The following FKBP15 variants were observed in gnomAD, a reference collection of about 807,000 sequenced individuals.
FKBP15 encodes FKBP prolyl isomerase family member 15.
Under a neutral mutation model 158.1 loss-of-function variants are expected in FKBP15, and 106 were observed. The ratio of observed to expected loss-of-function variants is 0.67; its 90% CI spans 0.57 to 0.79. The LOEUF (loss-of-function observed/expected upper bound fraction) is 0.79. FKBP15 is among the 30% of genes least tolerant of loss of function. The pLI is 0.00. For synonymous variants in FKBP15, 547 were observed against 548.6 expected (o/e 1.00, Z 0.04); for missense variants, 1,287 against 1,479.1 (o/e 0.87, Z 2.13).
Position 113,161,798 on chromosome 9 carries a change from C to T in FKBP15, c.*4280G>A, listed in dbSNP as rs557611014. The T allele has an allele frequency of 6.7e-6, 9 of 1,345,970 alleles. No individual in the cohort carries two copies. In the African/African-American group the frequency reaches 8.6e-5, roughly 13 times the overall value. The allele number at this position is 1,345,970 out of a possible 1,614,324, so 83.4% of individuals were successfully genotyped here. ...TAGCCCCACTTCACAGAGAGGACAG[C>T]GAGGCCCAGGGAAGGACCAGGACTT... On this transcript the variant is annotated 3_prime_UTR_variant, in exon 28 of 28. Coordinates refer to ENST00000238256, the MANE Select transcript of FKBP15 (RefSeq NM_015258.2).
chr9:113,174,804 T>G (rs1336607721), intron 21 of FKBP15, among the ~76,000 whole-genome samples: 1 of 135,266 alleles, frequency 7.4e-6, no homozygotes, highest in African/African-American at 2.7e-5. Flanking sequence ...ACCCCTCTAT[T>G]AAGAGCTAGG....
rs955933071 is a variant in FKBP15, at chr9:113,198,412, G to A, written c.717+443C>T. Among the ~76,000 whole-genome samples, 3 of 152,154 alleles carry A rather than the reference G, an allele frequency of 2.0e-5. No homozygotes were observed. Among genetic ancestry groups the A allele is most frequent in the Non-Finnish European group, 2.9e-5 (2 of 68,022 alleles). ...ATGCAATGTAACACATTTTCCCCTCGTATTCTTCATCCAGGCATTTCCAGA... is the reference window on the plus strand; with the variant it reads ...ATGCAATGTAACACATTTTCCCCTCATATTCTTCATCCAGGCATTTCCAGA... On this transcript the variant is annotated intron_variant, in intron 8 of 27. Coordinates refer to ENST00000238256, the MANE Select transcript of FKBP15 (RefSeq NM_015258.2). The surrounding 1 kb of genome is among the most constrained non-coding windows in gnomAD (Gnocchi z 5.2).
At chr9:113,191,666 G>T (rs1830578399) in intron 11 of FKBP15, among the ~76,000 whole-genome samples, 1 of 148,286 alleles carries the variant, frequency 6.7e-6, no homozygotes, top group Non-Finnish European at 1.5e-5. Context: ...TATATATATA[G>T]TTATATGGAA....
chr9:113,182,786 A>G lies in FKBP15; in HGVS notation c.1894T>C (p.Leu632=), dbSNP rs1046405237. ...TTTACCTTCTCTTGTTCAGCATGCA[A>G]TACTCTTGCCTGTGTGTTTTCTGTG... The part of the protein sequence containing the change: ...TATENTQARV[L]HAEQEKAKVT... Residue 632 remains leucine (L), a synonymous_variant, in exon 19 of 28, where the codon TTG becomes CTG. Coordinates refer to ENST00000238256, the MANE Select transcript of FKBP15 (RefSeq NM_015258.2). 11 of 1,613,456 alleles carry G rather than the reference A, an allele frequency of 6.8e-6. 1 individual carries two copies. The South Asian group carries it at 7.7e-5, about 11-fold the overall frequency.
chr9:113,168,350 A>C (rs2118854208), intron 27 of FKBP15, 110 bp downstream of exon 27: 2 of 862,228 alleles, frequency 2.3e-6, no homozygotes, highest in Non-Finnish European at 1.8e-6. Flanking sequence ...CCCTGCACAC[A>C]GAGTCCAGGG....
chr9:113,182,301 A>G (rs1325559876), intron 19 of FKBP15, among the ~76,000 whole-genome samples: 1 of 152,206 alleles, frequency 6.6e-6, no homozygotes, highest in East Asian at 1.9e-4. Flanking sequence ...GCAGATCCCA[A>G]TCCAAGACCC....
At chr9:113,208,509 G>A (rs889512439) in intron 2 of FKBP15, among the ~76,000 whole-genome samples, 4 of 152,226 alleles carry the variant, frequency 2.6e-5, no homozygotes, top group South Asian at 2.1e-4. Flanking sequence ...GAAAGAACTC[G>A]TTTGATTTTT....
Position 113,169,928 on chromosome 9 carries a change from C to G in FKBP15, c.2781G>C (p.Gln927His), listed in dbSNP as rs1386763350. Residue 927 changes from glutamine to histidine, a missense_variant, in exon 26 of 28, where the codon CAG becomes CAC. Gln to His is a conservative substitution (Grantham distance 24). Transcript: ENST00000238256. The part of the protein sequence containing the change: ...IMNTIKMVTL[Q>H]LLNQQEQEKE... ...TCTCTTGCTCCTGTTGGTTTAACAG[C>G]TGAAGAGTCACCATCTATTCAAAAG... 3 of 1,543,328 alleles carry G rather than the reference C, an allele frequency of 1.9e-6. No homozygotes were observed. The highest frequency in any genetic ancestry group is 1.2e-5 in the South Asian group (1 of 83,664).
chr9:113,167,950 G>GT (rs1176872472), intron 27 of FKBP15, among the ~76,000 whole-genome samples: 1 of 152,220 alleles, frequency 6.6e-6, no homozygotes. Flanking sequence ...AGCAGGCTGA[G>GT]TAAGTGGAAA....
At chr9:113,219,794 G>C (rs1010106198) in intron 1 of FKBP15, among the ~76,000 whole-genome samples, 7 of 152,120 alleles carry the variant, frequency 4.6e-5, no homozygotes, top group Admixed American at 2.0e-4. Flanking sequence ...CTTTCACATA[G>C]TGAAGAATGC....
At chr9:113,179,311 A>G (rs929315154) in intron 19 of FKBP15, among the ~76,000 whole-genome samples, 12 of 152,180 alleles carry the variant, frequency 7.9e-5, no homozygotes, top group African/African-American at 2.9e-4. Flanking sequence ...GCCTTATTCC[A>G]AAGTCTTTAT....
chr9:113,198,909 A>G lies in FKBP15; in HGVS notation c.663T>C (p.Thr221=). ...AGCGAAGCAACTTATCTTTGTTAGC[A>G]GTGGAGTCGAAAACCTGCAATTTGA... The part of the protein sequence containing the change: ...NHVLGQVFDS[T]ANKDKLLRLK... The change falls in exon 8 of 28, where the codon ACT becomes ACC. Residue 221 remains threonine, a synonymous_variant. Transcript: ENST00000238256. This position sits in a 1 kb window ranked among gnomAD's most constrained non-coding sequence, Gnocchi z 5.2. The G allele has an allele frequency of 1.2e-6, 2 of 1,603,312 alleles. No individual in the cohort carries two copies. Among genetic ancestry groups the G allele is most frequent in the Non-Finnish European group, 1.7e-6 (2 of 1,174,414 alleles).
At chr9:113,179,125 G>C (rs773325334) in intron 19 of FKBP15, among the ~76,000 whole-genome samples, 3 of 151,820 alleles carry the variant, frequency 2.0e-5, no homozygotes, top group Admixed American at 6.6e-5. Flanking sequence ...GGACTCCTGG[G>C]CTCAAGCAAT....
At position 113,207,238 on chromosome 9, in the gene FKBP15, G is replaced by A. The variant is rs757117840; in HGVS notation, c.228C>T (p.Val76=). The change falls in exon 3 of 28, where the codon GTC becomes GTT. Residue 76 remains valine (V), a synonymous_variant. Coordinates refer to ENST00000238256, the MANE Select transcript of FKBP15 (RefSeq NM_015258.2). ...PATMSTPTIL[V]ATAVHAYRYT... ...ATCGATATGCATGGACTGCTGTTGC[G>A]ACCAGTATTGTGGGAGTGCTCATGG... 6 of 1,613,048 alleles carry A rather than the reference G, an allele frequency of 3.7e-6. No individual in the cohort carries two copies. In the Admixed American group the frequency reaches 5.0e-5, roughly 13 times the overall value.
rs1830720056 is a variant in FKBP15 at position 113,198,001 on chromosome 9, G to A, written c.717+854C>T. 6.6e-6 allele frequency among the ~76,000 whole-genome samples: 1 copy of A among 152,208 alleles called. No homozygotes were observed. The highest frequency in any genetic ancestry group is 2.1e-4 in the South Asian group (1 of 4,836). ...CACAGATGAATGAGTACAGCATGAT[G>A]CACCATCACTACTATGTCCTGACAC... On this transcript the variant is annotated intron_variant, in intron 8 of 27. Coordinates refer to ENST00000238256, the MANE Select transcript of FKBP15 (RefSeq NM_015258.2). This position sits in a 1 kb window ranked among gnomAD's most constrained non-coding sequence, Gnocchi z 5.2.
intron 23 of FKBP15, among the ~76,000 whole-genome samples, chr9:113,172,313 G>A (rs943407882): frequency 3.3e-4 from 50 of 152,116 alleles, no homozygotes; most frequent in African/African-American, 1.2e-3. Flanking sequence ...AAACATACAT[G>A]TGCATGTGTC....
At chr9:113,207,698 T>C (rs1438029469) in intron 2 of FKBP15, among the ~76,000 whole-genome samples, 1 of 152,178 alleles carries the variant, frequency 6.6e-6, no homozygotes, top group Non-Finnish European at 1.5e-5. Flanking sequence ...TTACAGTCAG[T>C]GTTGTAATGC....
intron 9 of FKBP15, among the ~76,000 whole-genome samples, chr9:113,195,043 G>A: frequency 6.6e-6 from 1 of 152,016 alleles, no homozygotes; most frequent in East Asian, 1.9e-4. Context: ...TAAAATTGTT[G>A]GATAAAAGGG....
chr9:113,174,396 TC>T (rs746442265), intron 22 of FKBP15, 31 bp downstream of exon 22: 5 of 1,607,780 alleles, frequency 3.1e-6, no homozygotes, highest in Non-Finnish European at 4.3e-6. Flanking sequence ...ACACCTTCCC[TC>T]TATTTTCAAA....
Sources: gnomAD v4.1 joint callset for allele counts (sites outside exome capture counted in the v4.1 genomes callset) on GRCh38, gnomAD v4.1.1 for gene constraint, Gnocchi (gnomAD v3.1) non-coding constraint, MANE v1.5 for transcripts, NCBI Gene and HGNC (gene_info 2026-07-23, HGNC 2026-07-21) for gene names.